NMNAT3: variants seen among roughly 807,000 people sequenced by gnomAD.
NMNAT3 encodes nicotinamide/nicotinic acid mononucleotide adenylyltransferase 3.
Under a neutral mutation model 24.8 loss-of-function variants are expected in NMNAT3, and 21 were observed. That is an observed-to-expected ratio of 0.85 (90% CI 0.60 to 1.22). The LOEUF (loss-of-function observed/expected upper bound fraction) is 1.22, where lower values mean the gene tolerates loss of function less well. Ranked by LOEUF, NMNAT3 falls within the 50% of genes most tolerant of loss-of-function variation. NMNAT3 has a pLI of 0.00. For missense variants in NMNAT3, 387 were observed against 436.6 expected (o/e 0.89, Z 1.01); for synonymous variants, 136 against 155.2 (o/e 0.88, Z 0.92).
At chr3:139,591,590 C>T (rs1469517960) in intron 3 of NMNAT3, among the ~76,000 whole-genome samples, 5 of 152,192 alleles carry the variant, frequency 3.3e-5, no homozygotes, top group African/African-American at 4.8e-5. Context: ...TTGAAGAGAG[C>T]AGTGGTTCTC....
intron 3 of NMNAT3, among the ~76,000 whole-genome samples, chr3:139,585,895 A>G (rs1366334939): frequency 1.3e-5 from 2 of 152,174 alleles, no homozygotes; most frequent in Non-Finnish European, 2.9e-5. Context: ...AGCTGAATGT[A>G]GGGGAAGTCA....
chr3:139,580,626 C>A (rs1303874554), intron 4 of NMNAT3, among the ~76,000 whole-genome samples: 3 of 152,174 alleles, frequency 2.0e-5, no homozygotes, highest in Admixed American at 1.3e-4. Context: ...TGCTAAATAT[C>A]TCCAGTGCCT....
In NMNAT3 at chr3:139,561,038, G is replaced by A. The variant is rs767037923; in HGVS notation, c.1013C>T (p.Thr338Ile). The stretch of plus-strand genomic sequence containing the variant: ...GCTTGTCTTGCCCTCAGTGCTCTGG[G>A]TGCTTTTGCCTTTCCAGGTACTGCC... Residue 338 changes from threonine to isoleucine, a missense_variant, in exon 7 of 7, where the codon ACC (threonine) becomes ATC (isoleucine). Thr to Ile is a moderately conservative substitution (Grantham distance 89). Around this residue, in one of 3 missense-constraint regions of NMNAT3, gnomAD observed 323 missense variants for 345.2 expected, o/e 0.94. Transcript: ENST00000643695. 1 of 1,613,588 alleles carries A rather than the reference G, an allele frequency of 6.2e-7. No individual in the cohort carries two copies. The highest frequency in any genetic ancestry group is 1.1e-5 in the South Asian group (1 of 91,044).
At chr3:139,651,566 C>T (rs940456255) in intron 1 of NMNAT3, among the ~76,000 whole-genome samples, 2 of 152,174 alleles carry the variant, frequency 1.3e-5, no homozygotes, top group Non-Finnish European at 2.9e-5. Context: ...TGAACTGCCT[C>T]TCCATCAGAC....
intron 3 of NMNAT3, among the ~76,000 whole-genome samples, chr3:139,610,165 G>C (rs902732386): frequency 6.6e-6 from 1 of 151,946 alleles, no homozygotes; most frequent in South Asian, 2.1e-4. Context: ...AGAATACAGG[G>C]GTCTCATGAA....
chr3:139,591,712 GA>G (rs1559883257), intron 3 of NMNAT3, among the ~76,000 whole-genome samples: 8 of 152,340 alleles, frequency 5.3e-5, no homozygotes, highest in Middle Eastern at 3.4e-3. Flanking sequence ...GGGGCAGACT[GA>G]CACCTCACAA....
chr3:139,573,530 T>TA, intron 6 of NMNAT3, 68 bp downstream of exon 6: 2 of 933,370 alleles, frequency 2.1e-6, no homozygotes, highest in Non-Finnish European at 3.2e-6. Flanking sequence ...TGACCACCCC[T>TA]ACCCCCTTCA....
intron 3 of NMNAT3, among the ~76,000 whole-genome samples, chr3:139,617,045 G>A (rs1372272905): frequency 2.0e-5 from 3 of 152,088 alleles, no homozygotes; most frequent in East Asian, 1.9e-4. Context: ...TGACTCCAGC[G>A]AACTTCACCT....
intron 4 of NMNAT3, among the ~76,000 whole-genome samples, chr3:139,579,662 C>G (rs1365564153): frequency 6.6e-6 from 1 of 152,142 alleles, no homozygotes; most frequent in Non-Finnish European, 1.5e-5. Context: ...GATAACTGCC[C>G]TGTAGATCGT....
intron 3 of NMNAT3, among the ~76,000 whole-genome samples, chr3:139,614,279 A>G (rs1233106258): frequency 6.6e-6 from 1 of 151,754 alleles, no homozygotes; most frequent in Non-Finnish European, 1.5e-5. Flanking sequence ...CCTTTCACCT[A>G]AAGTCCCCAT....
chr3:139,583,639 C>G (rs1327346366), intron 3 of NMNAT3: 1 of 976,108 alleles, frequency 1.0e-6, no homozygotes, highest in East Asian at 2.4e-5. Flanking sequence ...AAACACATAT[C>G]ATCTGAAGCT....
At chr3:139,662,880 G>C (rs1210876422) in intron 1 of NMNAT3, among the ~76,000 whole-genome samples, 1 of 152,150 alleles carries the variant, frequency 6.6e-6, no homozygotes. Flanking sequence ...AGCATCTACT[G>C]TGTTCCAGGA....
chr3:139,643,332 G>A (rs1259292453), intron 1 of NMNAT3, among the ~76,000 whole-genome samples: 2 of 152,106 alleles, frequency 1.3e-5, no homozygotes, highest in African/African-American at 4.8e-5. Flanking sequence ...AAATAGAATT[G>A]CCATATGATC....
chr3:139,640,846 T>A (rs1052082123), intron 1 of NMNAT3, among the ~76,000 whole-genome samples: 4 of 152,210 alleles, frequency 2.6e-5, no homozygotes, highest in African/African-American at 9.6e-5. Flanking sequence ...GCCATGGTGA[T>A]AAGCAGATAA....
rs144384993 is a variant in NMNAT3, at chr3:139,573,953, C to T, written c.576-273G>A. Among the ~76,000 whole-genome samples, 238 of 151,996 alleles carry T rather than the reference C, an allele frequency of 1.6e-3. 1 individual carries two copies. Among genetic ancestry groups the T allele is most frequent in the African/African-American group, 5.5e-3 (229 of 41,324 alleles). ...AATTAGTACATTTCTATTCTTTTAA[C>T]ATTTTCTTCAATATTTCTCAAAAAA... On this transcript the variant is annotated intron_variant, in intron 5 of 6. Coordinates refer to ENST00000643695, the MANE Select transcript of NMNAT3 (RefSeq NM_001320510.2).
intron 3 of NMNAT3, among the ~76,000 whole-genome samples, chr3:139,598,846 T>A (rs1486973087): frequency 6.6e-6 from 1 of 152,050 alleles, no homozygotes; most frequent in African/African-American, 2.4e-5. Flanking sequence ...TTGCCCATAT[T>A]TTTTTTTCTA....
At chr3:139,658,736 T>C (rs1312679235) in intron 1 of NMNAT3, among the ~76,000 whole-genome samples, 1 of 152,238 alleles carries the variant, frequency 6.6e-6, no homozygotes, top group African/African-American at 2.4e-5. Flanking sequence ...TCAGCATGCA[T>C]GTTATTAACC....
rs551649338 is a variant in NMNAT3 at position 139,677,148 on chromosome 3, T to C, written c.-141+557A>G. 2.4e-4 allele frequency among the ~76,000 whole-genome samples: 36 copies of C among 152,300 alleles called. 1 individual carries two copies. Among genetic ancestry groups the C allele is most frequent in the African/African-American group, 8.7e-4 (36 of 41,566 alleles). ...TCTAAAGTTTTAGTTCCAGCAGCCTTTGTAGCTGGGGGCCCTGATAAAATC... is the reference window on the plus strand; with the variant it reads ...TCTAAAGTTTTAGTTCCAGCAGCCTCTGTAGCTGGGGGCCCTGATAAAATC... On this transcript the variant is annotated intron_variant, in intron 1 of 6. Transcript: ENST00000643695.
chr3:139,633,845 G>A (rs2056398348), intron 2 of NMNAT3, among the ~76,000 whole-genome samples: 1 of 152,148 alleles, frequency 6.6e-6, no homozygotes, highest in Admixed American at 6.5e-5. Flanking sequence ...TATCCTATGG[G>A]CAAGGAGGAA....
Sources: allele counts gnomAD v4.1 joint callset (sites outside exome capture counted in the v4.1 genomes callset), GRCh38; gene constraint gnomAD v4.1.1; regional missense constraint gnomAD v4.1.1; transcripts MANE v1.5; gene names NCBI Gene and HGNC (gene_info 2026-07-23, HGNC 2026-07-21).